SLC16A10: variants seen among roughly 807,000 people sequenced by gnomAD.
SLC16A10 encodes the protein solute carrier family 16 member 10.
Under a neutral mutation model 40.0 loss-of-function variants are expected in SLC16A10, and 27 were observed. That is an observed-to-expected ratio of 0.67 (90% CI 0.50 to 0.93). SLC16A10 has a LOEUF of 0.93. SLC16A10 is among the 40% of genes least tolerant of loss of function. The pLI is 0.00. For synonymous variants in SLC16A10, 213 were observed against 249.8 expected, an observed-to-expected ratio of 0.85 and a Z score of 1.39; for missense variants, 529 against 658.2, an observed-to-expected ratio of 0.80 and a Z score of 2.15.
At chr6:111,113,110 C>T (rs1211179255) in intron 1 of SLC16A10, among the ~76,000 whole-genome samples, 1 of 151,982 alleles carries the variant, frequency 6.6e-6, no homozygotes, top group Non-Finnish European at 1.5e-5. Context: ...ATGCAGTTTA[C>T]CTATTAACAA....
chr6:111,113,632 A>T (rs1167436965), intron 1 of SLC16A10, among the ~76,000 whole-genome samples: 2 of 152,214 alleles, frequency 1.3e-5, no homozygotes, highest in Admixed American at 6.5e-5. Flanking sequence ...GTGTGAGTAC[A>T]TGCACGCACT....
At chr6:111,169,495 C>A (rs1237112191) in intron 1 of SLC16A10, among the ~76,000 whole-genome samples, 1 of 152,252 alleles carries the variant, frequency 6.6e-6, no homozygotes, top group Non-Finnish European at 1.5e-5. Context: ...CCTTCCCCAG[C>A]CTCCATCTCC....
chr6:111,151,064 C>T (rs1426155467), intron 1 of SLC16A10, among the ~76,000 whole-genome samples: 1 of 152,156 alleles, frequency 6.6e-6, no homozygotes, highest in Non-Finnish European at 1.5e-5. Context: ...AGCGTACATA[C>T]TCAGCAACAA....
chr6:111,173,433 A>G (rs1220237215), intron 2 of SLC16A10: 1 of 152,308 alleles, frequency 6.6e-6, no homozygotes, highest in Non-Finnish European at 1.5e-5. Context: ...TCCTGTATCT[A>G]TTAGAATAAG....
At chr6:111,146,104 T>A (rs1294692217) in intron 1 of SLC16A10, among the ~76,000 whole-genome samples, 1 of 152,066 alleles carries the variant, frequency 6.6e-6, no homozygotes, top group African/African-American at 2.4e-5. Flanking sequence ...CACTTGCAAC[T>A]CAGCAATAAA....
At position 111,177,461 on chromosome 6, in the gene SLC16A10, G is replaced by A; in HGVS notation, c.738G>A (p.Leu246=). The stretch of plus-strand genomic sequence containing the variant: ...GCATCTTCATGTTTGTTCTCTTTCT[G>A]GCTGGCTTTACTTACCGACCTCTTG... ...VLCIFMFVLF[L]AGFTYRPLAT... Residue 246 remains leucine (L), a synonymous_variant, in exon 3 of 6, where the codon CTG becomes CTA. Coordinates refer to ENST00000368851, the MANE Select transcript of SLC16A10 (RefSeq NM_018593.5). 1 of 1,613,970 alleles carries A rather than the reference G, an allele frequency of 6.2e-7. No individual in the cohort carries two copies. Among genetic ancestry groups the A allele is most frequent in the East Asian group, 2.2e-5 (1 of 44,870 alleles).
chr6:111,173,139 G>A (rs1366603880), intron 2 of SLC16A10, among the ~76,000 whole-genome samples: 2 of 151,980 alleles, frequency 1.3e-5, no homozygotes, highest in Admixed American at 6.6e-5. Context: ...AATCCTAATG[G>A]CACTCAAGTT....
intron 1 of SLC16A10, among the ~76,000 whole-genome samples, chr6:111,153,847 A>G (rs1772221294): frequency 6.6e-6 from 1 of 152,196 alleles, no homozygotes; most frequent in Non-Finnish European, 1.5e-5. Flanking sequence ...TGCTTTGAGT[A>G]TATTTTTAGG....
At chr6:111,112,074 G>A (rs1383202986) in intron 1 of SLC16A10, among the ~76,000 whole-genome samples, 5 of 151,850 alleles carry the variant, frequency 3.3e-5, no homozygotes, top group East Asian at 3.9e-4. Context: ...TCTGTTGCCC[G>A]GGCTGGACTG....
In SLC16A10 at chr6:111,165,960, G is replaced by GT. The variant is rs566112033; in HGVS notation, c.344-6727dup. Among the ~76,000 whole-genome samples, 396 of 152,102 alleles carry GT rather than the reference G, an allele frequency of 2.6e-3. 2 individuals are homozygous for GT. The highest frequency in any genetic ancestry group is 8.9e-3 in the African/African-American group (368 of 41,490). On this transcript the variant is annotated intron_variant, in intron 1 of 5. Transcript: ENST00000368851. ...TAAAACAAGATGGAGACCTTATTCA[G>GT]TTTTTTTTCCTTCAGAGACCTGTAG...
Position 111,087,780 on chromosome 6 carries a change from T to C in SLC16A10, c.28T>C (p.Ser10Pro). 1.7e-6 allele frequency: 2 copies of C among 1,203,772 alleles called. No individual in the cohort carries two copies. Among genetic ancestry groups the C allele is most frequent in the Non-Finnish European group, 2.1e-6 (2 of 970,348 alleles). 74.6% of individuals were successfully genotyped at this position (1,203,772 alleles called of 1,614,324 possible). The change falls in exon 1 of 6, where the codon TCC becomes CCC. Residue 10 changes from serine (S) to proline (P), a missense_variant. By Grantham distance (74) the Ser-to-Pro change is moderately conservative. Coordinates refer to ENST00000368851, the MANE Select transcript of SLC16A10 (RefSeq NM_018593.5). MVLSQEEPDSARGTSEAQPL... is the reference protein window; with the variant it reads MVLSQEEPDPARGTSEAQPL... The stretch of plus-strand genomic sequence containing the variant: ...GGTGCTCTCCCAGGAGGAGCCGGAC[T>C]CCGCGCGGGGCACGAGCGAGGCGCA...
intron 1 of SLC16A10, among the ~76,000 whole-genome samples, chr6:111,137,987 G>A (rs555011548): frequency 9.2e-5 from 14 of 152,292 alleles, no homozygotes; most frequent in African/African-American, 2.4e-4. Flanking sequence ...AAACCCAGGC[G>A]TTCTAGCCGG....
intron 1 of SLC16A10, among the ~76,000 whole-genome samples, chr6:111,151,603 A>G (rs1404581596): frequency 2.0e-5 from 3 of 152,194 alleles, no homozygotes; most frequent in African/African-American, 2.4e-5. Flanking sequence ...AGGAATTTCT[A>G]AAATACCGTT....
At chr6:111,088,735 G>A (rs991600864) in intron 1 of SLC16A10, among the ~76,000 whole-genome samples, 4 of 152,098 alleles carry the variant, frequency 2.6e-5, no homozygotes, top group African/African-American at 7.2e-5. Context: ...AAGGTGAAGG[G>A]TTGCTTCTTC....
intron 1 of SLC16A10, among the ~76,000 whole-genome samples, chr6:111,156,638 CAAG>C (rs2114521831): frequency 6.6e-6 from 1 of 152,108 alleles, no homozygotes; most frequent in African/African-American, 2.4e-5. Context: ...CTGTCACAGT[CAAG>C]AGGAGACTAA....
In SLC16A10 at chr6:111,177,437, C is replaced by T. The variant is rs1188623885; in HGVS notation, c.714C>T (p.Cys238=). The T allele has an allele frequency of 6.2e-7, 1 of 1,613,988 alleles. No individual in the cohort carries two copies. The highest frequency in any genetic ancestry group is 1.7e-5 in the Admixed American group (1 of 59,976). The change falls in exon 3 of 6, where the codon TGC becomes TGT. Residue 238 remains cysteine (C), a synonymous_variant. Coordinates refer to ENST00000368851, the MANE Select transcript of SLC16A10 (RefSeq NM_018593.5). ...TCTTTTACACATTGAGGGTGCTCTGCATCTTCATGTTTGTTCTCTTTCTGG... is the reference window on the plus strand; with the variant it reads ...TCTTTTACACATTGAGGGTGCTCTGTATCTTCATGTTTGTTCTCTTTCTGG... ...VGLFYTLRVL[C]IFMFVLFLAG...
rs553929645 is a variant in SLC16A10 at position 111,198,651 on chromosome 6, A to G, written c.943-7941A>G. On this transcript the variant is annotated intron_variant, in intron 3 of 5. Transcript: ENST00000368851. Reference sequence around the variant, plus strand: ...CATGGAAAAGGTACAGTGAAAGTACAGGATTATAATCTTATGGAATCGCTG... The same window carrying G: ...CATGGAAAAGGTACAGTGAAAGTACGGGATTATAATCTTATGGAATCGCTG... Among the ~76,000 whole-genome samples the G allele has an allele frequency of 3.9e-5, 6 of 152,362 alleles. No homozygotes were observed. In the South Asian group the frequency reaches 1.2e-3, roughly 32 times the overall value.
At position 111,229,663 on chromosome 6, in the gene SLC16A10, A is replaced by G. The variant is rs1227125481; in HGVS notation, c.*7428A>G. 2.0e-5 allele frequency: 3 copies of G among 152,270 alleles called. No homozygotes were observed. The highest frequency in any genetic ancestry group is 6.5e-5 in the Admixed American group (1 of 15,288). The allele number at this position is 152,270 out of a possible 1,614,324, so 9.4% of individuals were successfully genotyped here. A position where few individuals can be genotyped will look rare whatever the true frequency, so the allele number is the denominator to read the frequency against. ...ATATTTTTATAATTATTTGAAATTT[A>G]TCACTGAAAGTATCATTGTTTGTCT... On this transcript the variant is annotated 3_prime_UTR_variant, in exon 6 of 6. Transcript: ENST00000368851.
At position 111,165,241 on chromosome 6, in the gene SLC16A10, G is replaced by C. The variant is rs981129316; in HGVS notation, c.344-7454G>C. ...GGGATTTATCTGCTTTTAATTCTTT[G>C]GGTTTCATGAGGAAAACAGAGGTTT... On this transcript the variant is annotated intron_variant, in intron 1 of 5. Coordinates refer to ENST00000368851, the MANE Select transcript of SLC16A10 (RefSeq NM_018593.5). 2.0e-5 allele frequency among the ~76,000 whole-genome samples: 3 copies of C among 152,092 alleles called. No individual in the cohort carries two copies. In the East Asian group the frequency reaches 5.8e-4, roughly 29 times the overall value.
Sources: gnomAD v4.1 joint callset for allele counts (sites outside exome capture counted in the v4.1 genomes callset) on GRCh38, gnomAD v4.1.1 for gene constraint, MANE v1.5 for transcripts, NCBI Gene and HGNC (gene_info 2026-07-23, HGNC 2026-07-21) for gene names.